Variants in SCAI observed in about 807,000 individuals in gnomAD.
SCAI encodes suppressor of cancer cell invasion, also known as protein SCAI.
In SCAI, 24 loss-of-function variants were observed where a neutral mutation model predicts 92.2. That is an observed-to-expected ratio of 0.26 (90% CI 0.19 to 0.37). The LOEUF (loss-of-function observed/expected upper bound fraction) is 0.37. SCAI is among the 10% of genes least tolerant of loss of function. The pLI is 1.00. For missense variants in SCAI, 450 were observed against 736.2 expected, an observed-to-expected ratio of 0.61 and a Z score of 4.50; for synonymous variants, 261 against 258.6, an observed-to-expected ratio of 1.01 and a Z score of -0.09.
chr9:125,038,376 C>T (rs1471978297), intron 3 of SCAI, among the ~76,000 whole-genome samples: 1 of 152,202 alleles, frequency 6.6e-6, no homozygotes, highest in Non-Finnish European at 1.5e-5. Context: ...TTGAGATAAA[C>T]TGGGTGCAGT....
rs1322664751 is a variant in SCAI at position 125,091,635 on chromosome 9, G to A, written c.99-35628C>T. Among the ~76,000 whole-genome samples the A allele has an allele frequency of 6.6e-6, 1 of 152,134 alleles. No individual in the cohort carries two copies. Among genetic ancestry groups the A allele is most frequent in the Non-Finnish European group, 1.5e-5 (1 of 68,040 alleles). On this transcript the variant is annotated intron_variant, in intron 2 of 17. Transcript: ENST00000336505. The surrounding 1 kb of genome is among the most constrained non-coding windows in gnomAD (Gnocchi z 4.3). Reference sequence around the variant, plus strand: ...GGGCTGAAGAAATACACATAATCATGCTGACTGATCTCACTTTCAAAGCAT... The same window carrying A: ...GGGCTGAAGAAATACACATAATCATACTGACTGATCTCACTTTCAAAGCAT...
intron 14 of SCAI, among the ~76,000 whole-genome samples, chr9:124,983,600 G>A (rs370856600): frequency 2.8e-4 from 42 of 152,326 alleles, no homozygotes; most frequent in African/African-American, 7.0e-4. Context: ...CAATCCACCC[G>A]CCTCAGCCTC....
At chr9:125,039,195 G>A (rs775970550) in intron 3 of SCAI, among the ~76,000 whole-genome samples, 4 of 152,026 alleles carry the variant, frequency 2.6e-5, no homozygotes, top group Non-Finnish European at 5.9e-5. Flanking sequence ...GACCATTCTG[G>A]CCAACATGGT....
intron 9 of SCAI, among the ~76,000 whole-genome samples, chr9:125,007,697 C>T (rs1832540599): frequency 6.6e-6 from 1 of 151,984 alleles, no homozygotes; most frequent in South Asian, 2.1e-4. Context: ...CTGCTTCTGT[C>T]ACCCAGGCTG....
chr9:124,998,767 G>A (rs967455213), intron 13 of SCAI, among the ~76,000 whole-genome samples: 2 of 152,052 alleles, frequency 1.3e-5, no homozygotes, highest in South Asian at 2.1e-4. Context: ...GACCACAGGC[G>A]CAAGCCACCA....
At chr9:124,967,239 A>C (rs192363900) in intron 17 of SCAI, among the ~76,000 whole-genome samples, 3 of 152,336 alleles carry the variant, frequency 2.0e-5, no homozygotes, top group Admixed American at 2.0e-4. Context: ...TGTTTCCTAT[A>C]TAGCTCACAA....
At position 125,024,277 on chromosome 9, in the gene SCAI, GT is replaced by G. The variant is rs777338173; in HGVS notation, c.512+2534del. ...TGTAAAATTGAAGGCTTTTTATGAA[GT>G]TTTTTTTTTTTTTTTTGAGACGGAG... On this transcript the variant is annotated intron_variant, in intron 6 of 17. Transcript: ENST00000336505. Among the ~76,000 whole-genome samples, 749 of 137,412 alleles carry G rather than the reference GT, an allele frequency of 5.5e-3. 6 individuals are homozygous for G. Among genetic ancestry groups the G allele is most frequent in the African/African-American group, 0.016 (625 of 37,924 alleles). The allele number at this position is 137,412 out of a possible 152,430, so 90.1% of individuals were successfully genotyped here.
intron 11 of SCAI, among the ~76,000 whole-genome samples, chr9:125,002,499 T>TTTTTTTTTTTTTTG (rs1554779235): frequency 1.4e-5 from 2 of 147,324 alleles, no homozygotes; most frequent in African/African-American, 5.1e-5. Flanking sequence ...TTTTTTTTTT[T>TTTTTTTTTTTTTTG]GAAACAGAGT....
intron 2 of SCAI, among the ~76,000 whole-genome samples, chr9:125,057,201 G>T (rs140022011): frequency 6.6e-6 from 1 of 152,274 alleles, no homozygotes; most frequent in African/African-American, 2.4e-5. Context: ...TAGATGGACT[G>T]AAGAACAGAA....
intron 3 of SCAI, among the ~76,000 whole-genome samples, chr9:125,049,106 C>T (rs1050151901): frequency 1.3e-5 from 2 of 151,692 alleles, no homozygotes; most frequent in Admixed American, 6.6e-5. Flanking sequence ...GTACACTTCA[C>T]TTTGGGGCAC....
At chr9:124,976,233 G>T in intron 14 of SCAI, 47 bp from the exon 15 acceptor site, 1 of 1,295,552 alleles carries the variant, frequency 7.7e-7, no homozygotes, top group Non-Finnish European at 1.1e-6. Flanking sequence ...TTTGACCAAA[G>T]ATAGTTACTT....
At position 124,988,824 on chromosome 9, in the gene SCAI, T is replaced by A. The variant is rs1461512879; in HGVS notation, c.1326+6110A>T. Among the ~76,000 whole-genome samples, 4 of 152,166 alleles carry A rather than the reference T, an allele frequency of 2.6e-5. 1 individual carries two copies. Among genetic ancestry groups the A allele is most frequent in the Non-Finnish European group, 5.9e-5 (4 of 68,040 alleles). On this transcript the variant is annotated intron_variant, in intron 14 of 17. Transcript: ENST00000336505. ...AGACTGAAATAATTCACCAAGTACA[T>A]GTTAAGCACCATAGTTAAAAGTAAA...
chr9:125,004,175 CA>C (rs1420839599), intron 9 of SCAI, among the ~76,000 whole-genome samples: 2 of 151,252 alleles, frequency 1.3e-5, no homozygotes, highest in South Asian at 4.2e-4. Flanking sequence ...GACTCTGTCT[CA>C]AAAAAAATAA....
intron 2 of SCAI, among the ~76,000 whole-genome samples, chr9:125,111,969 A>G (rs560175009): frequency 2.7e-4 from 41 of 152,202 alleles, no homozygotes; most frequent in Non-Finnish European, 5.0e-4. Flanking sequence ...TATTCCGCCA[A>G]GTACTGATAA....
chr9:124,959,489 CACACATATATAT>C (rs899473563), intron 17 of SCAI, among the ~76,000 whole-genome samples: 1 of 147,482 alleles, frequency 6.8e-6, no homozygotes, highest in Non-Finnish European at 1.5e-5. Context: ...TATATACACA[CACACATATATAT>C]ACACATATAT....
chr9:125,138,573 T>C (rs1835594862), intron 2 of SCAI, among the ~76,000 whole-genome samples: 1 of 152,018 alleles, frequency 6.6e-6, no homozygotes, highest in African/African-American at 2.4e-5. Flanking sequence ...TGCCACCACG[T>C]CCAGCTGATT....
At chr9:124,971,257 A>T in intron 17 of SCAI, 113 bp downstream of exon 17, 1 of 521,058 alleles carries the variant, frequency 1.9e-6, no homozygotes. Context: ...TTTTGAATTT[A>T]TCCAAAATAA....
At chr9:125,094,722 G>A (rs1414975287) in intron 2 of SCAI, among the ~76,000 whole-genome samples, 2 of 152,032 alleles carry the variant, frequency 1.3e-5, no homozygotes, top group Admixed American at 6.6e-5. Context: ...GGCTGGTCTC[G>A]AACTTCTGAG....
chr9:125,060,571 G>C (rs1011101256), intron 2 of SCAI, among the ~76,000 whole-genome samples: 1 of 152,164 alleles, frequency 6.6e-6, no homozygotes, highest in Admixed American at 6.5e-5. Context: ...CATGTGTTGT[G>C]GGAGGGAACC....
Sources: gnomAD v4.1 joint callset for allele counts (sites outside exome capture counted in the v4.1 genomes callset) on GRCh38, gnomAD v4.1.1 for gene constraint, Gnocchi (gnomAD v3.1) non-coding constraint, MANE v1.5 for transcripts, NCBI Gene and HGNC (gene_info 2026-07-23, HGNC 2026-07-21) for gene names.